Variants in CNTN5 observed in about 807,000 individuals in gnomAD.
CNTN5 encodes the protein contactin-5.
Under a neutral mutation model 129.1 loss-of-function variants are expected in CNTN5, and 77 were observed. That is an observed-to-expected ratio of 0.60 (90% CI 0.50 to 0.72). The LOEUF is 0.72. Among genes scored for constraint, CNTN5 ranks in the 30% least tolerant of loss-of-function variants. The pLI is 0.00. For missense variants in CNTN5, 1,478 were observed against 1,328.8 expected, an observed-to-expected ratio of 1.11 and a Z score of -1.75; for synonymous variants, 509 against 465.6, an observed-to-expected ratio of 1.09 and a Z score of -1.20.
chr11:99,891,087 C>T (rs1949046607), intron 6 of CNTN5, among the ~76,000 whole-genome samples: 1 of 152,064 alleles, frequency 6.6e-6, no homozygotes, highest in African/African-American at 2.4e-5. Flanking sequence ...GGGATTTGAA[C>T]AGACCAGAAA....
intron 2 of CNTN5, among the ~76,000 whole-genome samples, chr11:99,447,632 A>C (rs900639174): frequency 6.6e-6 from 1 of 152,208 alleles, no homozygotes; most frequent in Non-Finnish European, 1.5e-5. Flanking sequence ...GTATTTATAA[A>C]AGTTCTAGTT....
At chr11:99,454,311 T>A in intron 2 of CNTN5, among the ~76,000 whole-genome samples, 1 of 152,234 alleles carries the variant, frequency 6.6e-6, no homozygotes, top group Non-Finnish European at 1.5e-5. Flanking sequence ...AAATCTTATC[T>A]TGAATTGTAA....
chr11:99,819,387 A>T (rs537653829), intron 3 of CNTN5, 157 bp from the exon 4 acceptor site: 1 of 575,952 alleles, frequency 1.7e-6, no homozygotes, highest in Non-Finnish European at 2.9e-6. Context: ...ATTAAAAAAT[A>T]TAAAAGTAAC....
chr11:100,254,557 C>T lies in CNTN5; in HGVS notation c.2006-1203C>T, dbSNP rs559156002. ...CTATATCTTTAGTCTCTTGCATCTG[C>T]TGGTGGTTCTTCTCAGGTAACAACG... On this transcript the variant is annotated intron_variant, in intron 16 of 24. Coordinates refer to ENST00000524871, the MANE Select transcript of CNTN5 (RefSeq NM_014361.4). Among the ~76,000 whole-genome samples, 3 of 152,182 alleles carry T rather than the reference C, an allele frequency of 2.0e-5. No homozygotes were observed. The East Asian group carries it at 5.8e-4, about 29-fold the overall frequency.
Position 99,859,637 on chromosome 11 carries a change from A to G in CNTN5, c.577+14375A>G, listed in dbSNP as rs974108645. 1.6e-4 allele frequency among the ~76,000 whole-genome samples: 25 copies of G among 152,168 alleles called. 1 individual carries two copies. Among genetic ancestry groups the G allele is most frequent in the Non-Finnish European group, 8.8e-5 (6 of 68,036 alleles). On this transcript the variant is annotated intron_variant, in intron 6 of 24. Transcript: ENST00000524871. ...CTGTTCCTGCATTAATTTGCTTAGG[A>G]TAATGGCCTCCAGCTGCATCCATGT...
At chr11:100,338,789 G>A (rs187306221) in intron 21 of CNTN5, among the ~76,000 whole-genome samples, 3 of 151,418 alleles carry the variant, frequency 2.0e-5, no homozygotes, top group Admixed American at 1.3e-4. Flanking sequence ...TGCCCAGGTG[G>A]TGCTAGGTGC....
chr11:100,196,188 C>G (rs1375692609), intron 15 of CNTN5, among the ~76,000 whole-genome samples: 1 of 151,986 alleles, frequency 6.6e-6, no homozygotes, highest in Non-Finnish European at 1.5e-5. Flanking sequence ...GATTGGAGCA[C>G]TGTCCAGGCT....
chr11:99,169,939 A>T (rs1431164622), intron 1 of CNTN5, among the ~76,000 whole-genome samples: 1 of 152,226 alleles, frequency 6.6e-6, no homozygotes, highest in Admixed American at 6.5e-5. Context: ...TAATTTTTCA[A>T]TAAAGAAAAG....
intron 1 of CNTN5, among the ~76,000 whole-genome samples, chr11:99,282,855 C>G (rs888579664): frequency 2.0e-5 from 3 of 152,086 alleles, no homozygotes; most frequent in African/African-American, 7.2e-5. Context: ...GAGTCAGCAT[C>G]TGTGGAATTA....
At chr11:100,066,565 A>C (rs1224873259) in intron 10 of CNTN5, among the ~76,000 whole-genome samples, 1 of 152,136 alleles carries the variant, frequency 6.6e-6, no homozygotes, top group Non-Finnish European at 1.5e-5. Flanking sequence ...TTACATAAGT[A>C]CGGTGCATCT....
chr11:99,942,276 T>G (rs1274959991), intron 7 of CNTN5, among the ~76,000 whole-genome samples: 1 of 151,948 alleles, frequency 6.6e-6, no homozygotes, highest in African/African-American at 2.4e-5. Context: ...CAGAGAACTA[T>G]GGGAGAACAT....
chr11:100,100,648 CAA>C (rs1366581473), intron 13 of CNTN5, among the ~76,000 whole-genome samples: 1 of 152,050 alleles, frequency 6.6e-6, no homozygotes. Context: ...ATGAATCAAT[CAA>C]AAACTACAGT....
Position 100,111,938 on chromosome 11 carries a change from T to C in CNTN5, c.1580+37644T>C, listed in dbSNP as rs188170210. Among the ~76,000 whole-genome samples, 680 of 152,340 alleles carry C rather than the reference T, an allele frequency of 4.5e-3. 4 individuals carry two copies. The highest frequency in any genetic ancestry group is 5.5e-3 in the Non-Finnish European group (375 of 68,022). On this transcript the variant is annotated intron_variant, in intron 13 of 24. Coordinates refer to ENST00000524871, the MANE Select transcript of CNTN5 (RefSeq NM_014361.4). ...TTAGTAGTTTCTTAACATATCTCTT[T>C]TTCTTATTTGTTTACACTACGTTGT... is the stretch of plus-strand genomic sequence containing the variant.
chr11:99,467,089 A>G (rs1295815345), intron 2 of CNTN5, among the ~76,000 whole-genome samples: 1 of 152,224 alleles, frequency 6.6e-6, no homozygotes, highest in Non-Finnish European at 1.5e-5. Flanking sequence ...ATTTTAGTTC[A>G]GAAATCATTT....
intron 7 of CNTN5, among the ~76,000 whole-genome samples, chr11:99,955,279 C>G (rs935741739): frequency 6.6e-6 from 1 of 151,576 alleles, no homozygotes; most frequent in Non-Finnish European, 1.5e-5. Flanking sequence ...AATTTAGAGT[C>G]TACTTGAGCT....
chr11:99,747,645 T>A (rs1944098501), intron 3 of CNTN5, among the ~76,000 whole-genome samples: 1 of 151,884 alleles, frequency 6.6e-6, no homozygotes, highest in Non-Finnish European at 1.5e-5. Context: ...AACTTTTTTT[T>A]GTATTTTTTA....
intron 13 of CNTN5, among the ~76,000 whole-genome samples, chr11:100,112,944 C>A (rs1945703842): frequency 6.6e-6 from 1 of 152,026 alleles, no homozygotes; most frequent in African/African-American, 2.4e-5. Context: ...AAAGCAAAAT[C>A]AAAGTAGTAT....
At chr11:99,745,415 GGGT>G (rs906513576) in intron 3 of CNTN5, among the ~76,000 whole-genome samples, 1 of 152,040 alleles carries the variant, frequency 6.6e-6, no homozygotes, top group Non-Finnish European at 1.5e-5. Context: ...ACTCTTACTA[GGGT>G]ATATTGGTTT....
At chr11:99,695,153 C>T (rs1954215768) in intron 3 of CNTN5, among the ~76,000 whole-genome samples, 1 of 151,724 alleles carries the variant, frequency 6.6e-6, no homozygotes, top group East Asian at 1.9e-4. Context: ...AGAGAAATTC[C>T]AGAGTTTAGT....
Sources: gnomAD v4.1 joint callset for allele counts (sites outside exome capture counted in the v4.1 genomes callset) on GRCh38, gnomAD v4.1.1 for gene constraint, MANE v1.5 for transcripts, NCBI Gene and HGNC (gene_info 2026-07-23, HGNC 2026-07-21) for gene names.